TTC7B: variants seen among roughly 807,000 people sequenced by gnomAD.
The protein encoded by TTC7B is tetratricopeptide repeat domain 7B, also known as tetratricopeptide repeat protein 7B.
TTC7B carries 28 observed loss-of-function variants against 106.8 expected under a neutral mutation model. The observed-to-expected ratio is 0.26, with a 90% confidence interval of 0.19 to 0.36. TTC7B has a LOEUF of 0.36. TTC7B is among the 10% of genes least tolerant of loss of function. The pLI is 1.00. For missense variants in TTC7B, 862 were observed against 1,076.4 expected, an observed-to-expected ratio of 0.80 and a Z score of 2.79; for synonymous variants, 405 against 430.6, an observed-to-expected ratio of 0.94 and a Z score of 0.74.
At chr14:90,689,511 C>A in intron 7 of TTC7B, 29 bp downstream of exon 7, 1 of 1,598,184 alleles carries the variant, frequency 6.3e-7, no homozygotes, top group Non-Finnish European at 8.5e-7. Flanking sequence ...CAACCCATAA[C>A]CTACAAGTGA....
chr14:90,682,162 C>T (rs760942314), intron 7 of TTC7B, among the ~76,000 whole-genome samples: 45 of 152,058 alleles, frequency 3.0e-4, no homozygotes, highest in Non-Finnish European at 5.1e-4. Context: ...CTGCATTATC[C>T]AGACCAATTG....
In TTC7B at chr14:90,683,336, T is replaced by C. The variant is rs184416033; in HGVS notation, c.951-2801A>G. Among the ~76,000 whole-genome samples, 6 of 152,202 alleles carry C rather than the reference T, an allele frequency of 3.9e-5. No individual in the cohort carries two copies. In the East Asian group the frequency reaches 1.2e-3, roughly 29 times the overall value. ...TCTGGCTGAGATACTACCAGGAAAT[T>C]CCTGGAGAAACACAGCCTCTGAACC... On this transcript the variant is annotated intron_variant, in intron 7 of 19. Coordinates refer to ENST00000328459, the MANE Select transcript of TTC7B (RefSeq NM_001010854.2).
rs1232912960 is a variant in TTC7B, at chr14:90,533,564, C to T, written c.*7804G>A. The T allele has an allele frequency of 6.6e-6, 1 of 152,302 alleles. No individual in the cohort carries two copies. The highest frequency in any genetic ancestry group is 2.4e-5 in the African/African-American group (1 of 41,458). The allele number at this position is 152,302 out of a possible 1,614,324, so 9.4% of individuals were successfully genotyped here. On this transcript the variant is annotated 3_prime_UTR_variant, in exon 20 of 20. Transcript: ENST00000328459. ...GACCTCTGTTAATATCCCCAAAAGCCCGTAAGGGAAGTTACTCCCCGACCA... is the reference window on the plus strand; with the variant it reads ...GACCTCTGTTAATATCCCCAAAAGCTCGTAAGGGAAGTTACTCCCCGACCA...
At position 90,719,147 on chromosome 14, in the gene TTC7B, G is replaced by A. The variant is rs916313704; in HGVS notation, c.698+10928C>T. Among the ~76,000 whole-genome samples, 7 of 152,026 alleles carry A rather than the reference G, an allele frequency of 4.6e-5. No individual in the cohort carries two copies. In the East Asian group the frequency reaches 9.7e-4, roughly 21 times the overall value. On this transcript the variant is annotated intron_variant, in intron 5 of 19. Coordinates refer to ENST00000328459, the MANE Select transcript of TTC7B (RefSeq NM_001010854.2). The stretch of plus-strand genomic sequence containing the variant: ...AAAAATTAGCTGGGCCTGGTGGCAC[G>A]CACCTGCAGTCCCAGCTATTTGAGG...
chr14:90,658,626 A>G (rs1886054051), intron 9 of TTC7B, among the ~76,000 whole-genome samples: 1 of 152,216 alleles, frequency 6.6e-6, no homozygotes, highest in Non-Finnish European at 1.5e-5. Context: ...CCTGCCCTCG[A>G]GTAGCTTTGT....
chr14:90,741,084 G>C (rs1452651297), intron 4 of TTC7B, among the ~76,000 whole-genome samples: 1 of 152,178 alleles, frequency 6.6e-6, no homozygotes, highest in Non-Finnish European at 1.5e-5. Flanking sequence ...CACAGCTAAA[G>C]GGGGCAAGGC....
At chr14:90,612,880 G>C (rs1034106532) in intron 16 of TTC7B, among the ~76,000 whole-genome samples, 4 of 152,172 alleles carry the variant, frequency 2.6e-5, no homozygotes, top group African/African-American at 9.7e-5. Flanking sequence ...GTATGGGGAA[G>C]CTGAGTTAAA....
chr14:90,622,444 T>A (rs1884248172), intron 15 of TTC7B, among the ~76,000 whole-genome samples: 1 of 151,554 alleles, frequency 6.6e-6, no homozygotes, highest in African/African-American at 2.4e-5. Flanking sequence ...AAAATTTATA[T>A]ATTAGCCAGG....
intron 19 of TTC7B, among the ~76,000 whole-genome samples, chr14:90,549,597 T>C (rs1162185586): frequency 1.3e-5 from 2 of 152,186 alleles, no homozygotes; most frequent in Admixed American, 1.3e-4. Flanking sequence ...GGCTTCTGCA[T>C]GGAGGGACCT....
chr14:90,643,133 G>T (rs559709566), intron 15 of TTC7B, among the ~76,000 whole-genome samples: 1 of 152,240 alleles, frequency 6.6e-6, no homozygotes. Flanking sequence ...ACTAGGCTGG[G>T]CACAGTGGCT....
At chr14:90,610,886 G>T in intron 16 of TTC7B, 47 bp from the exon 17 acceptor site, 1 of 1,411,030 alleles carries the variant, frequency 7.1e-7, no homozygotes, top group Non-Finnish European at 1.0e-6. Context: ...GGTGGGAGGA[G>T]GGAAGGAAAG....
chr14:90,731,765 A>C (rs1889339682), intron 4 of TTC7B, among the ~76,000 whole-genome samples: 1 of 152,144 alleles, frequency 6.6e-6, no homozygotes, highest in Non-Finnish European at 1.5e-5. Context: ...TCTTGAGATG[A>C]CCGCATCCAT....
chr14:90,608,984 A>C lies in TTC7B; in HGVS notation c.1966+1758T>G, dbSNP rs1488269833. Among the ~76,000 whole-genome samples, 1 of 152,110 alleles carries C rather than the reference A, an allele frequency of 6.6e-6. No homozygotes were observed. Among genetic ancestry groups the C allele is most frequent in the Non-Finnish European group, 1.5e-5 (1 of 68,006 alleles). On this transcript the variant is annotated intron_variant, in intron 17 of 19. Transcript: ENST00000328459. The surrounding 1 kb of genome is among the most constrained non-coding windows in gnomAD (Gnocchi z 5.1). ...ACAGCAGCTGTTTTGAATCAGCTGA[A>C]ATTGCTGCTGGTGCTATAGTGAGTT...
intron 9 of TTC7B, among the ~76,000 whole-genome samples, chr14:90,661,969 C>T (rs949503456): frequency 6.6e-6 from 1 of 152,214 alleles, no homozygotes; most frequent in Non-Finnish European, 1.5e-5. Flanking sequence ...TATAGAACTG[C>T]ATTCCAGGTG....
chr14:90,611,813 G>A (rs182221125), intron 16 of TTC7B, among the ~76,000 whole-genome samples: 23 of 152,316 alleles, frequency 1.5e-4, no homozygotes, highest in Admixed American at 1.1e-3. Context: ...TAGGAGGCTC[G>A]TAGGTAAACA....
At chr14:90,595,793 G>A (rs1034135474) in intron 17 of TTC7B, among the ~76,000 whole-genome samples, 63 of 152,282 alleles carry the variant, frequency 4.1e-4, no homozygotes, top group African/African-American at 1.4e-3. Flanking sequence ...GTGAGGACTG[G>A]CATCTTTGTT....
intron 19 of TTC7B, among the ~76,000 whole-genome samples, chr14:90,545,715 T>C (rs1320121138): frequency 6.6e-6 from 1 of 152,148 alleles, no homozygotes; most frequent in Non-Finnish European, 1.5e-5. Context: ...GGCAGGCCAC[T>C]AAATCTGGCC....
intron 19 of TTC7B, among the ~76,000 whole-genome samples, chr14:90,573,117 A>T (rs1891097220): frequency 1.3e-5 from 2 of 152,134 alleles, no homozygotes; most frequent in South Asian, 4.1e-4. Flanking sequence ...GTCCCTTTCC[A>T]GGCCCTCAGC....
At chr14:90,806,659 C>A (rs2030628039) in intron 1 of TTC7B, among the ~76,000 whole-genome samples, 1 of 152,218 alleles carries the variant, frequency 6.6e-6, no homozygotes, top group Admixed American at 6.5e-5. Context: ...GTAATCCCAG[C>A]ACTTTGGGAG....
Sources: allele counts gnomAD v4.1 joint callset (sites outside exome capture counted in the v4.1 genomes callset), GRCh38; gene constraint gnomAD v4.1.1; non-coding constraint Gnocchi (gnomAD v3.1); transcripts MANE v1.5; gene names NCBI Gene and HGNC (gene_info 2026-07-23, HGNC 2026-07-21).